The following NTRK2 variants were observed in gnomAD, a reference collection of about 807,000 sequenced individuals.
The protein encoded by NTRK2 is BDNF/NT-3 growth factors receptor.
In NTRK2, 13 loss-of-function variants were observed where a neutral mutation model predicts 94.5. The observed-to-expected ratio is 0.14, with a 90% CI of 0.09 to 0.22. NTRK2 has a LOEUF of 0.22. Ranked by LOEUF, NTRK2 falls within the 10% of genes least tolerant of loss-of-function variation. The pLI is 1.00. For synonymous variants in NTRK2, 372 were observed against 407.4 expected (o/e 0.91, Z 1.05); for missense variants, 639 against 1,071.2 (o/e 0.60, Z 5.63).
In NTRK2 at chr9:84,745,213, TA is replaced by T. The variant is rs572925348; in HGVS notation, c.1296+144del. On this transcript the variant is annotated intron_variant, in intron 11 of 18. Coordinates refer to ENST00000277120, the MANE Select transcript of NTRK2 (RefSeq NM_006180.6). ...TTAACACCTAGGTTGGAAGAATTAATAAAAGGCTTAACAAAAGTGATAAAGG... is the reference window on the plus strand; with the variant it reads ...TTAACACCTAGGTTGGAAGAATTAATAAAGGCTTAACAAAAGTGATAAAGG... 277 of 724,638 alleles carry T rather than the reference TA, an allele frequency of 3.8e-4. No homozygotes were observed. The East Asian group carries it at 6.8e-3, about 18-fold the overall frequency. 44.9% of individuals were successfully genotyped at this position (724,638 alleles called of 1,614,324 possible). A position where few individuals can be genotyped will look rare whatever the true frequency, so the allele number is the denominator to read the frequency against.
chr9:84,720,583 C>A (rs960676247), intron 6 of NTRK2, among the ~76,000 whole-genome samples: 1 of 151,716 alleles, frequency 6.6e-6, no homozygotes, highest in Non-Finnish European at 1.5e-5. Context: ...TTTCTAGTAC[C>A]CCATTCTTAA....
intron 15 of NTRK2, among the ~76,000 whole-genome samples, chr9:84,940,529 C>T (rs968640642): frequency 2.6e-5 from 4 of 152,140 alleles, no homozygotes; most frequent in African/African-American, 9.7e-5. Context: ...TACTATGGTC[C>T]AGTTCTTCCA....
rs148825007 is a variant in NTRK2, at chr9:84,790,203, T to G, written c.1396+38118T>G. Among the ~76,000 whole-genome samples, 705 of 152,264 alleles carry G rather than the reference T, an allele frequency of 4.6e-3. 8 individuals are homozygous for G. Among genetic ancestry groups the G allele is most frequent in the African/African-American group, 0.016 (666 of 41,564 alleles). On this transcript the variant is annotated intron_variant, in intron 12 of 18. Coordinates refer to ENST00000277120, the MANE Select transcript of NTRK2 (RefSeq NM_006180.6). ...CAAGCAAACGTTTAGTTTAAAAAAA[T>G]GAAGTGCCTAAAGCCTTTTATTTGT...
At chr9:84,925,199 TTC>T (rs1294078591) in intron 14 of NTRK2, among the ~76,000 whole-genome samples, 1 of 143,850 alleles carries the variant, frequency 7.0e-6, no homozygotes, top group Non-Finnish European at 1.5e-5. Context: ...TCTTCTCTTC[TTC>T]TTTTTTTTTT....
chr9:84,877,090 GTCC>G, intron 14 of NTRK2: 1 of 1,064,476 alleles, frequency 9.4e-7, no homozygotes, highest in Non-Finnish European at 1.1e-6. Context: ...CATCACTCAT[GTCC>G]TGAATCAATC....
chr9:84,752,988 C>A (rs1348483263), intron 12 of NTRK2, among the ~76,000 whole-genome samples: 1 of 152,090 alleles, frequency 6.6e-6, no homozygotes, highest in Non-Finnish European at 1.5e-5. Context: ...GGTAATGTTG[C>A]TAATATTGCT....
chr9:84,772,510 G>T (rs541741801), intron 12 of NTRK2, among the ~76,000 whole-genome samples: 48 of 152,234 alleles, frequency 3.2e-4, no homozygotes, highest in African/African-American at 1.0e-3. Context: ...GGCCTCCCAA[G>T]GTGCTGATAA....
intron 9 of NTRK2, among the ~76,000 whole-genome samples, chr9:84,739,358 A>G (rs547435559): frequency 2.0e-5 from 3 of 152,254 alleles, no homozygotes; most frequent in Admixed American, 6.5e-5. Context: ...GCCCTGGCCT[A>G]TTTTTTAGAT....
intron 9 of NTRK2, among the ~76,000 whole-genome samples, chr9:84,733,130 C>T (rs78249653): frequency 0.021 from 3,144 of 152,258 alleles, 119 homozygotes; most frequent in African/African-American, 0.071. Flanking sequence ...CTGAGCCATC[C>T]GTTTGCAGAG....
chr9:84,875,413 G>T, intron 14 of NTRK2: 1 of 1,062,110 alleles, frequency 9.4e-7, no homozygotes, highest in Non-Finnish European at 1.1e-6. Flanking sequence ...CTCAGGAAAT[G>T]AGAGGCTCTC....
At chr9:84,725,111 T>C (rs755988032) in intron 8 of NTRK2, among the ~76,000 whole-genome samples, 2 of 152,026 alleles carry the variant, frequency 1.3e-5, no homozygotes, top group Non-Finnish European at 2.9e-5. Context: ...ATTAATGAGG[T>C]TTTACTCTAT....
chr9:84,732,454 G>C (rs566371328), intron 9 of NTRK2, among the ~76,000 whole-genome samples: 1 of 152,186 alleles, frequency 6.6e-6, no homozygotes, highest in South Asian at 2.1e-4. Context: ...TGATTCTAAT[G>C]AGCAACCAGG....
chr9:85,006,019 A>G (rs921847625), intron 17 of NTRK2, among the ~76,000 whole-genome samples: 3 of 152,220 alleles, frequency 2.0e-5, no homozygotes, highest in Non-Finnish European at 4.4e-5. Context: ...TGTGCCTACG[A>G]CAATGCCTCA....
intron 13 of NTRK2, among the ~76,000 whole-genome samples, chr9:84,863,811 A>G (rs138306778): frequency 2.0e-4 from 31 of 152,322 alleles, no homozygotes; most frequent in African/African-American, 7.2e-4. Context: ...TTTATGTGTT[A>G]CTCACATTTG....
rs762145554 is a variant in NTRK2 at position 84,769,909 on chromosome 9, TG to T, written c.1396+17825del. 1.2e-3 allele frequency among the ~76,000 whole-genome samples: 178 copies of T among 152,324 alleles called. No homozygotes were observed. In the Middle Eastern group the frequency reaches 0.014, roughly 12 times the overall value. On this transcript the variant is annotated intron_variant, in intron 12 of 18. Coordinates refer to ENST00000277120, the MANE Select transcript of NTRK2 (RefSeq NM_006180.6). Reference sequence around the variant, plus strand: ...CAGTTAAATGCATATCATTTGGTGATGAGCAAACTCCTGTGAGCTAAAGGAA... The same window carrying T: ...CAGTTAAATGCATATCATTTGGTGATAGCAAACTCCTGTGAGCTAAAGGAA...
chr9:84,808,402 A>G (rs2071373781), intron 12 of NTRK2, among the ~76,000 whole-genome samples: 1 of 152,226 alleles, frequency 6.6e-6, no homozygotes. Context: ...TAATCGTGTT[A>G]TTGAGTCAAC....
chr9:84,842,327 T>C lies in NTRK2; in HGVS notation c.1397-18713T>C, dbSNP rs528702720. On this transcript the variant is annotated intron_variant, in intron 12 of 18. Coordinates refer to ENST00000277120, the MANE Select transcript of NTRK2 (RefSeq NM_006180.6). ...ATCATACTCCCCATGGCTGCCAGCGTTATCATCATAAATCTGTGTTTTCTT... is the reference window on the plus strand; with the variant it reads ...ATCATACTCCCCATGGCTGCCAGCGCTATCATCATAAATCTGTGTTTTCTT... 6.6e-5 allele frequency among the ~76,000 whole-genome samples: 10 copies of C among 152,282 alleles called. No homozygotes were observed. The South Asian group carries it at 2.1e-3, about 32-fold the overall frequency.
chr9:84,834,782 C>A (rs1303437745), intron 12 of NTRK2, among the ~76,000 whole-genome samples: 1 of 152,186 alleles, frequency 6.6e-6, no homozygotes, highest in Non-Finnish European at 1.5e-5. Flanking sequence ...GGACTGAGAT[C>A]TGTGCTGTCA....
chr9:85,006,094 A>T (rs1366728523), intron 17 of NTRK2, among the ~76,000 whole-genome samples: 1 of 152,212 alleles, frequency 6.6e-6, no homozygotes, highest in African/African-American at 2.4e-5. Context: ...AAGCAAATGA[A>T]TTATCAACTC....
Sources: gnomAD v4.1 joint callset for allele counts (sites outside exome capture counted in the v4.1 genomes callset) on GRCh38, gnomAD v4.1.1 for gene constraint, MANE v1.5 for transcripts, NCBI Gene and HGNC (gene_info 2026-07-23, HGNC 2026-07-21) for gene names.